NOTCH2: variants seen among roughly 807,000 people sequenced by gnomAD.
NOTCH2 encodes neurogenic locus notch homolog protein 2.
In NOTCH2, 29 loss-of-function variants were observed where a neutral mutation model predicts 235.8. The observed-to-expected ratio is 0.12, with a 90% CI of 0.09 to 0.17. The LOEUF is 0.17. NOTCH2 is among the 10% of genes least tolerant of loss of function. NOTCH2 has a pLI of 1.00. For missense variants in NOTCH2, 2,285 were observed against 3,150.2 expected (o/e 0.73, Z 6.57); for synonymous variants, 1,086 against 1,141.5 (o/e 0.95, Z 0.98).
chr1:119,920,476 C>G, intron 29 of NOTCH2, 79 bp from the exon 30 acceptor site: 1 of 1,453,586 alleles, frequency 6.9e-7, no homozygotes, highest in Admixed American at 1.7e-5. Flanking sequence ...AGAGCCTCCA[C>G]CACCGCTGCT....
intron 22 of NOTCH2, among the ~76,000 whole-genome samples, chr1:119,932,509 C>T (rs1649701697): frequency 6.6e-6 from 1 of 152,146 alleles, no homozygotes; most frequent in East Asian, 1.9e-4. Context: ...ATCACTCGAA[C>T]CCAGGAGGCG....
At chr1:119,954,058 GT>G (rs1287191088) in intron 13 of NOTCH2, among the ~76,000 whole-genome samples, 1 of 151,684 alleles carries the variant, frequency 6.6e-6, no homozygotes, top group East Asian at 1.9e-4. Context: ...TTAGTTTTTG[GT>G]GCCAAATAGA....
At chr1:119,959,544 A>G (rs1650857668) in intron 11 of NOTCH2, 42 bp from the exon 12 acceptor site, 2 of 1,047,008 alleles carry the variant, frequency 1.9e-6, no homozygotes, top group African/African-American at 3.1e-5. Flanking sequence ...ATGTTACCAC[A>G]GAAATACTAA....
At chr1:120,026,898 C>CCTAT (rs1359058057) in intron 2 of NOTCH2, among the ~76,000 whole-genome samples, 1 of 118,954 alleles carries the variant, frequency 8.4e-6, no homozygotes, top group Admixed American at 8.7e-5. Context: ...AGCATTCCAT[C>CCTAT]CTATCAACAA....
intron 2 of NOTCH2, among the ~76,000 whole-genome samples, chr1:120,010,250 T>A (rs1338775880): frequency 6.6e-6 from 1 of 152,136 alleles, no homozygotes; most frequent in Non-Finnish European, 1.5e-5. Flanking sequence ...AGGCCAGACA[T>A]CATCTTGTTG....
At chr1:119,955,427 T>C (rs1477723615) in intron 12 of NOTCH2, among the ~76,000 whole-genome samples, 195 bp from the exon 13 acceptor site, 2 of 152,370 alleles carry the variant, frequency 1.3e-5, no homozygotes, top group Non-Finnish European at 2.9e-5. Context: ...GCATTGACTT[T>C]TGATAATCAA....
rs774311920 is a variant in NOTCH2, at chr1:119,926,551, G to A, written c.3953C>T (p.Thr1318Ile). ...AGGCATGTTACTGGCCACAGCACAA[G>A]TCCCTCCATTCAGGCAGGGCATCTG... The part of the protein sequence containing the change: ...CPQMPCLNGG[T>I]CAVASNMPDG... Residue 1318 changes from threonine (T) to isoleucine (I), a missense_variant, in exon 24 of 34, where the codon ACT (threonine) becomes ATT (isoleucine). Physicochemically the swap from Thr to Ile is moderately conservative, Grantham distance 89 (BLOSUM62 -1). Coordinates refer to ENST00000256646, the MANE Select transcript of NOTCH2 (RefSeq NM_024408.4). 1.9e-6 allele frequency: 3 copies of A among 1,609,904 alleles called. No individual in the cohort carries two copies. The highest frequency in any genetic ancestry group is 1.7e-5 in the Admixed American group (1 of 59,588).
chr1:119,959,226 A>C (rs587687601), intron 12 of NOTCH2, among the ~76,000 whole-genome samples, 166 bp downstream of exon 12: 41 of 152,368 alleles, frequency 2.7e-4, no homozygotes, highest in African/African-American at 9.4e-4. Flanking sequence ...TCAGTTTAGA[A>C]AAGGTCTGTG....
At position 119,948,401 on chromosome 1, in the gene NOTCH2, C is replaced by G. The variant is rs1261028487; in HGVS notation, c.2752+13G>C. 1 of 1,613,848 alleles carries G rather than the reference C, an allele frequency of 6.2e-7. No individual in the cohort carries two copies. Among genetic ancestry groups the G allele is most frequent in the Non-Finnish European group, 8.5e-7 (1 of 1,180,044 alleles). On this transcript the variant is annotated intron_variant, in intron 17 of 33. Transcript: ENST00000256646. Reference sequence around the variant, plus strand: ...TCTCCTCTGGGGGCTTAAGAGCTGACTGGCATACTCACTGGCAAGGCAGTC... The same window carrying G: ...TCTCCTCTGGGGGCTTAAGAGCTGAGTGGCATACTCACTGGCAAGGCAGTC...
At chr1:120,040,792 C>T (rs1425533137) in intron 1 of NOTCH2, among the ~76,000 whole-genome samples, 8 of 150,038 alleles carry the variant, frequency 5.3e-5, no homozygotes, top group East Asian at 3.9e-4. Context: ...AATCCCAGCA[C>T]TTTGGGAGGC....
At chr1:120,033,733 G>C (rs1333011431) in intron 1 of NOTCH2, among the ~76,000 whole-genome samples, 6 of 151,528 alleles carry the variant, frequency 4.0e-5, no homozygotes, top group Middle Eastern at 6.8e-3. Flanking sequence ...TGCATAGAGT[G>C]GTGAATATAG....
rs587769083 is a variant in NOTCH2, at chr1:119,955,379, C to T, written c.2027-147G>A. ...AAATGTCAAGATGTAAGGAATTAGA[C>T]ACCCAATAACACTTAATGCCATGCA... On this transcript the variant is annotated intron_variant, in intron 12 of 33. Coordinates refer to ENST00000256646, the MANE Select transcript of NOTCH2 (RefSeq NM_024408.4). 820 of 735,382 alleles carry T rather than the reference C, an allele frequency of 1.1e-3. 6 individuals are homozygous for T. The highest frequency in any genetic ancestry group is 5.0e-3 in the South Asian group (331 of 65,594). The allele number at this position is 735,382 out of a possible 1,614,324, so 45.6% of individuals were successfully genotyped here. A position where few individuals can be genotyped will look rare whatever the true frequency, so the allele number is the denominator to read the frequency against.
intron 17 of NOTCH2, among the ~76,000 whole-genome samples, chr1:119,943,194 C>T (rs1366409213): frequency 6.6e-6 from 1 of 152,064 alleles, no homozygotes; most frequent in African/African-American, 2.4e-5. Context: ...AGCATGGTGG[C>T]CTCTATATGA....
chr1:119,946,226 C>G (rs1553197030), intron 17 of NOTCH2, among the ~76,000 whole-genome samples: 1 of 151,722 alleles, frequency 6.6e-6, no homozygotes, highest in African/African-American at 2.4e-5. Context: ...GGTTCCATGT[C>G]TATATATTTG....
At chr1:119,973,150 G>A (rs1651432698) in intron 5 of NOTCH2, among the ~76,000 whole-genome samples, 1 of 152,206 alleles carries the variant, frequency 6.6e-6, no homozygotes, top group South Asian at 2.1e-4. Flanking sequence ...TGGCTTATAA[G>A]TAATTAGCTA....
intron 1 of NOTCH2, among the ~76,000 whole-genome samples, chr1:120,030,638 GA>G (rs1266405728): frequency 1.9e-5 from 2 of 104,530 alleles, no homozygotes. Context: ...AGTATCAAAA[GA>G]AATAAAAGGA....
At chr1:119,937,239 T>C in intron 21 of NOTCH2, 43 bp downstream of exon 21, 1 of 1,592,278 alleles carries the variant, frequency 6.3e-7, no homozygotes. Flanking sequence ...AGTTGTACAA[T>C]CTCCTGGGAG....
chr1:119,939,080 C>A (rs1649972348), intron 19 of NOTCH2, among the ~76,000 whole-genome samples: 1 of 152,192 alleles, frequency 6.6e-6, no homozygotes, highest in Admixed American at 6.5e-5. Flanking sequence ...CCACTTCACC[C>A]AACATACATG....
intron 5 of NOTCH2, among the ~76,000 whole-genome samples, chr1:119,986,049 T>A (rs1405762559): frequency 6.6e-6 from 1 of 152,212 alleles, no homozygotes; most frequent in Non-Finnish European, 1.5e-5. Flanking sequence ...AATTAGATGC[T>A]ACAGATAAGG....
Sources: gnomAD v4.1 joint callset for allele counts (sites outside exome capture counted in the v4.1 genomes callset) on GRCh38, gnomAD v4.1.1 for gene constraint, MANE v1.5 for transcripts, NCBI Gene and HGNC (gene_info 2026-07-23, HGNC 2026-07-21) for gene names.